PCDHA5: variants seen among roughly 807,000 people sequenced by gnomAD.
PCDHA5 encodes the protein protocadherin alpha-5.
Under a neutral mutation model 61.6 loss-of-function variants are expected in PCDHA5, and 43 were observed. That is an observed-to-expected ratio of 0.70 (90% CI 0.55 to 0.90). The LOEUF is 0.90. PCDHA5 is among the 40% of genes least tolerant of loss of function. The probability of loss-of-function intolerance (pLI) is 0.00; values close to 1 mark genes in which losing one functional copy is unlikely to be tolerated. For synonymous variants in PCDHA5, 627 were observed against 543.9 expected (o/e 1.15, Z -2.13); for missense variants, 1,298 against 1,222.7 (o/e 1.06, Z -0.92).
At chr5:140,895,666 T>A (rs538311323) in intron 1 of PCDHA5, among the ~76,000 whole-genome samples, 24 of 152,288 alleles carry the variant, frequency 1.6e-4, no homozygotes, top group African/African-American at 5.8e-4. Context: ...AGTGAGAACA[T>A]GTAGTATTTG....
In PCDHA5 at chr5:140,952,330, C is replaced by A. The variant is rs564242872; in HGVS notation, c.2353-26619C>A. On this transcript the variant is annotated intron_variant, in intron 1 of 3. Transcript: ENST00000529859. ...TCCAGCCTGGGCAACAAGAGTGAAACTCCATCTCAAAAAAAAAAAAAAAAG... is the reference window on the plus strand; with the variant it reads ...TCCAGCCTGGGCAACAAGAGTGAAAATCCATCTCAAAAAAAAAAAAAAAAG... Among the ~76,000 whole-genome samples the A allele has an allele frequency of 2.2e-4, 26 of 120,342 alleles. No individual in the cohort carries two copies. The South Asian group carries it at 3.3e-3, about 15-fold the overall frequency. The allele number at this position is 120,342 out of a possible 152,430, so 78.9% of individuals were successfully genotyped here. A position where few individuals can be genotyped will look rare whatever the true frequency, so the allele number is the denominator to read the frequency against.
intron 1 of PCDHA5, among the ~76,000 whole-genome samples, chr5:140,972,168 G>T (rs969968770): frequency 2.6e-5 from 4 of 152,064 alleles, no homozygotes; most frequent in African/African-American, 9.7e-5. Context: ...TTGAGACAGA[G>T]TCTTGGCCTG....
chr5:140,853,467 G>T lies in PCDHA5; in HGVS notation c.2352+29340G>T, dbSNP rs2150532339. 46 of 971,640 alleles carry T rather than the reference G, an allele frequency of 4.7e-5. No homozygotes were observed. The African/African-American group carries it at 8.1e-4, about 17-fold the overall frequency. 60.2% of individuals were successfully genotyped at this position (971,640 alleles called of 1,614,324 possible). ...CTAATAGGTCTCCTTATATGCATCT[G>T]TAGTTAACATTCCTCAATTCAAGTT... On this transcript the variant is annotated intron_variant, in intron 1 of 3. Transcript: ENST00000529859.
Position 140,822,764 on chromosome 5 carries a change from C to G in PCDHA5, c.989C>G (p.Ser330Ter). Residue 330 changes from serine (S) to a stop codon, truncating the protein, a stop_gained, in exon 1 of 4, where the codon TCA becomes TGA. Transcript: ENST00000529859. LOFTEE classifies it high-confidence loss of function. ...ATGGATAAAAGTACATTCCCATTAT[C>G]AGGACACTGTAAAGTAGTAGTGAAA... ...DAMDKSTFPLSGHCKVVVKLL... is the reference protein window; with the variant it reads ...DAMDKSTFPL 4.3e-6 allele frequency: 7 copies of G among 1,613,898 alleles called. No individual in the cohort carries two copies. The highest frequency in any genetic ancestry group is 5.1e-6 in the Non-Finnish European group (6 of 1,179,806).
chr5:140,966,532 G>A (rs1418404048), intron 1 of PCDHA5: 7 of 447,876 alleles, frequency 1.6e-5, no homozygotes, highest in East Asian at 3.5e-5. Flanking sequence ...GAGCCGGGTT[G>A]AGCGACTCGG....
chr5:140,906,438 G>T (rs1264031299), intron 1 of PCDHA5, among the ~76,000 whole-genome samples: 1 of 152,016 alleles, frequency 6.6e-6, no homozygotes, highest in Non-Finnish European at 1.5e-5. Context: ...TGATAAACAA[G>T]AAAGGAAATA....
chr5:140,855,858 G>C (rs1203638572), intron 1 of PCDHA5: 4 of 715,822 alleles, frequency 5.6e-6, no homozygotes, highest in Non-Finnish European at 9.0e-6. Context: ...ACCGGATGTC[G>C]CTGTCGTCCA....
At chr5:141,005,701 CAAAAAAAAAAAAAA>C (rs59860837) in intron 3 of PCDHA5, among the ~76,000 whole-genome samples, 79 of 7,792 alleles carry the variant, frequency 0.01, 1 homozygote, top group Admixed American at 0.027. Flanking sequence ...AACTCCGTCT[CAAAAAAAAAAAAAA>C]AAAAAAAAAA....
chr5:140,850,139 C>G (rs2041373469), intron 1 of PCDHA5: 1 of 1,595,636 alleles, frequency 6.3e-7, no homozygotes, highest in African/African-American at 1.3e-5. Context: ...TGGGCAGCAA[C>G]GTGACGCTGC....
In PCDHA5 at chr5:141,010,341, T is replaced by C. The variant is rs199826290; in HGVS notation, c.*404T>C. ...GAGCAGCTTGGGAGTTTGTGGCCAC[T>C]GGGTATGTGTGGCTACCGCGGGTAT... is the stretch of plus-strand genomic sequence containing the variant. On this transcript the variant is annotated 3_prime_UTR_variant, in exon 4 of 4. Coordinates refer to ENST00000529859, the MANE Select transcript of PCDHA5 (RefSeq NM_018908.3). 1 of 1,503,238 alleles carries C rather than the reference T, an allele frequency of 6.7e-7. No homozygotes were observed. The highest frequency in any genetic ancestry group is 8.9e-7 in the Non-Finnish European group (1 of 1,119,606). The allele number at this position is 1,503,238 out of a possible 1,614,324, so 93.1% of individuals were successfully genotyped here. A position where few individuals can be genotyped will look rare whatever the true frequency, so the allele number is the denominator to read the frequency against.
chr5:140,978,789 A>G (rs2153817382), intron 1 of PCDHA5, 160 bp from the exon 2 acceptor site: 22 of 974,564 alleles, frequency 2.3e-5, no homozygotes, highest in Non-Finnish European at 2.6e-5. Flanking sequence ...CTAAAGTGCT[A>G]TATATGTAGA....
chr5:140,869,296 C>A, intron 1 of PCDHA5: 1 of 1,613,602 alleles, frequency 6.2e-7, no homozygotes, highest in Non-Finnish European at 8.5e-7. Flanking sequence ...GCGCCTGTTC[C>A]GGGTGGCGTC....
chr5:140,999,568 G>A (rs1554256885), intron 3 of PCDHA5, among the ~76,000 whole-genome samples: 1 of 152,084 alleles, frequency 6.6e-6, no homozygotes, highest in Non-Finnish European at 1.5e-5. Context: ...TTTGAGAAGA[G>A]ACTATAAAGG....
chr5:140,850,349 G>A (rs2150480668), intron 1 of PCDHA5: 3 of 1,597,844 alleles, frequency 1.9e-6, no homozygotes, highest in Non-Finnish European at 1.7e-6. Flanking sequence ...CGGCCAGCGC[G>A]AGCATCCCGT....
rs1241604273 is a variant in PCDHA5, at chr5:140,841,714, A to G, written c.2352+17587A>G. ...TGAAGGATGTTAATGACAACCCGCC[A>G]GTGTTCCGGGTAAAAGACCAAAAGC... On this transcript the variant is annotated intron_variant, in intron 1 of 3. Coordinates refer to ENST00000529859, the MANE Select transcript of PCDHA5 (RefSeq NM_018908.3). The G allele has an allele frequency of 2.5e-6, 4 of 1,613,762 alleles. No individual in the cohort carries two copies. In the African/African-American group the frequency reaches 4.0e-5, roughly 16 times the overall value.
intron 1 of PCDHA5, chr5:140,875,985 G>A (rs1351463699): frequency 4.3e-6 from 7 of 1,613,830 alleles, no homozygotes; most frequent in South Asian, 1.1e-5. Flanking sequence ...TGACCTATGC[G>A]TTAAGTCTAA....
chr5:140,837,632 C>T (rs2150277792), intron 1 of PCDHA5, among the ~76,000 whole-genome samples: 69 of 151,222 alleles, frequency 4.6e-4, no homozygotes, highest in South Asian at 6.3e-4. Flanking sequence ...TTCCTTCCTT[C>T]CTTTCTTTCT....
At chr5:140,930,356 A>G (rs1554207746) in intron 1 of PCDHA5, 1 of 152,106 alleles carries the variant, frequency 6.6e-6, no homozygotes, top group African/African-American at 2.4e-5. Context: ...CAAATATTTC[A>G]ATTTATCTGT....
At chr5:140,962,817 G>C (rs555403742) in intron 1 of PCDHA5, among the ~76,000 whole-genome samples, 1 of 152,202 alleles carries the variant, frequency 6.6e-6, no homozygotes, top group Non-Finnish European at 1.5e-5. Flanking sequence ...CATCAGAGAT[G>C]ACCATTTGTC....
Sources: gnomAD v4.1 joint callset for allele counts (sites outside exome capture counted in the v4.1 genomes callset) on GRCh38, gnomAD v4.1.1 for gene constraint, MANE v1.5 for transcripts, NCBI Gene and HGNC (gene_info 2026-07-23, HGNC 2026-07-21) for gene names.